The following PCDH9 variants were observed in gnomAD, a reference collection of about 807,000 sequenced individuals.
The protein encoded by PCDH9 is protocadherin-9.
Under a neutral mutation model 70.6 loss-of-function variants are expected in PCDH9, and 24 were observed. The ratio of observed to expected loss-of-function variants is 0.34; its 90% CI spans 0.25 to 0.48. The LOEUF (loss-of-function observed/expected upper bound fraction) is 0.48. Ranked by LOEUF, PCDH9 falls within the 20% of genes least tolerant of loss-of-function variation. The pLI is 0.99. For synonymous variants in PCDH9, 562 were observed against 558.5 expected, an observed-to-expected ratio of 1.01 and a Z score of -0.09; for missense variants, 1,281 against 1,503.6, an observed-to-expected ratio of 0.85 and a Z score of 2.45.
rs181816782 is a variant in PCDH9, at chr13:66,393,806, C to T, written c.3341-88778G>A. 1.9e-4 allele frequency among the ~76,000 whole-genome samples: 29 copies of T among 152,144 alleles called. 1 individual carries two copies. The highest frequency in any genetic ancestry group is 3.9e-4 in the East Asian group (2 of 5,166). ...AAATGAACAGTGCACTGTAAGCTGT[C>T]GATGACAGGACTGAAGTTCATTTAT... On this transcript the variant is annotated intron_variant, in intron 4 of 4. Coordinates refer to ENST00000377865, the MANE Select transcript of PCDH9 (RefSeq NM_203487.3).
chr13:66,865,758 T>C (rs914735157), intron 3 of PCDH9, among the ~76,000 whole-genome samples: 1 of 152,254 alleles, frequency 6.6e-6, no homozygotes, highest in Non-Finnish European at 1.5e-5. Context: ...TTTCATTTTA[T>C]ACTTCTTTCA....
At chr13:67,002,015 C>T (rs1446065507) in intron 2 of PCDH9, 2 of 152,108 alleles carry the variant, frequency 1.3e-5, no homozygotes, top group African/African-American at 2.4e-5. Flanking sequence ...GAAATGTGCT[C>T]CTTGTTTTCA....
chr13:66,339,396 C>T (rs1326326319), intron 4 of PCDH9, among the ~76,000 whole-genome samples: 1 of 151,790 alleles, frequency 6.6e-6, no homozygotes, highest in Non-Finnish European at 1.5e-5. Context: ...TGTGGGTGAA[C>T]CTAAAGGAAG....
At chr13:67,112,624 TTTC>T (rs1363299746) in intron 2 of PCDH9, among the ~76,000 whole-genome samples, 2 of 152,074 alleles carry the variant, frequency 1.3e-5, no homozygotes, top group African/African-American at 4.8e-5. Context: ...TCTTTCTTCC[TTTC>T]TTCCTTTCTC....
intron 2 of PCDH9, among the ~76,000 whole-genome samples, chr13:67,039,705 T>A (rs2085075323): frequency 6.6e-6 from 1 of 152,214 alleles, no homozygotes; most frequent in Non-Finnish European, 1.5e-5. Flanking sequence ...TTATAATGAA[T>A]CAGTAATAAG....
intron 2 of PCDH9, among the ~76,000 whole-genome samples, chr13:67,053,284 CT>C (rs1419471537): frequency 6.6e-6 from 1 of 152,124 alleles, no homozygotes; most frequent in East Asian, 1.9e-4. Flanking sequence ...TAGAACTTTA[CT>C]TTTGCTCTAT....
At chr13:66,330,515 T>A (rs960502101) in intron 4 of PCDH9, among the ~76,000 whole-genome samples, 3 of 152,194 alleles carry the variant, frequency 2.0e-5, no homozygotes, top group African/African-American at 7.2e-5. Context: ...CTGGACAGAT[T>A]TGTTGACAGT....
chr13:67,143,494 C>A (rs1429009468), intron 2 of PCDH9, among the ~76,000 whole-genome samples: 1 of 152,120 alleles, frequency 6.6e-6, no homozygotes, highest in Non-Finnish European at 1.5e-5. Flanking sequence ...ATTCATTTCT[C>A]CCCTTGTTCA....
At chr13:67,038,928 G>A (rs184718060) in intron 2 of PCDH9, among the ~76,000 whole-genome samples, 2 of 152,192 alleles carry the variant, frequency 1.3e-5, no homozygotes, top group Non-Finnish European at 2.9e-5. Flanking sequence ...AGTCTTGGTC[G>A]CCAAAAAGAC....
rs1442920169 is a variant in PCDH9 at position 67,032,535 on chromosome 13, AT to A, written c.3037-128931del. 2.0e-5 allele frequency among the ~76,000 whole-genome samples: 3 copies of A among 152,124 alleles called. No homozygotes were observed. The East Asian group carries it at 5.8e-4, about 29-fold the overall frequency. On this transcript the variant is annotated intron_variant, in intron 2 of 4. Coordinates refer to ENST00000377865, the MANE Select transcript of PCDH9 (RefSeq NM_203487.3). ...TTAAGAGCAGTGTAGAATTGTTTGC[AT>A]TTATGTAAAAATTCTTATGGATATT... is the stretch of plus-strand genomic sequence containing the variant.
intron 2 of PCDH9, among the ~76,000 whole-genome samples, chr13:67,050,237 T>G (rs1200571336): frequency 1.3e-5 from 2 of 152,224 alleles, no homozygotes; most frequent in Non-Finnish European, 2.9e-5. Context: ...GAAGGGTTCC[T>G]TAAATATGTT....
chr13:67,125,232 G>A (rs1375849959), intron 2 of PCDH9, among the ~76,000 whole-genome samples: 1 of 152,156 alleles, frequency 6.6e-6, no homozygotes, highest in Non-Finnish European at 1.5e-5. Flanking sequence ...GGACGTCAGA[G>A]GGATGTGAAT....
Position 66,633,765 on chromosome 13 carries a change from G to C in PCDH9, c.3139-2354C>G, listed in dbSNP as rs79195200. Among the ~76,000 whole-genome samples, 631 of 152,112 alleles carry C rather than the reference G, an allele frequency of 4.1e-3. 18 individuals carry two copies. The East Asian group carries it at 0.081, about 19-fold the overall frequency. On this transcript the variant is annotated intron_variant, in intron 3 of 4. Transcript: ENST00000377865. ...TTAAGCCATTAAGAAGTATATATTT[G>C]AAAGACAGAAGTAAAAAAGAAAAAA... is the stretch of plus-strand genomic sequence containing the variant.
chr13:66,552,323 G>C (rs991321503), intron 4 of PCDH9, among the ~76,000 whole-genome samples: 10 of 152,060 alleles, frequency 6.6e-5, no homozygotes, highest in Admixed American at 6.6e-4. Flanking sequence ...CACAGTCAGC[G>C]TTCCTTTGGG....
intron 4 of PCDH9, among the ~76,000 whole-genome samples, chr13:66,362,176 A>T (rs1042880651): frequency 2.6e-5 from 4 of 152,116 alleles, no homozygotes; most frequent in African/African-American, 7.2e-5. Flanking sequence ...GATTAATAAA[A>T]TTGTCAAATA....
intron 3 of PCDH9, among the ~76,000 whole-genome samples, chr13:66,721,576 G>A (rs910882127): frequency 6.6e-6 from 1 of 151,870 alleles, no homozygotes. Context: ...CAGAACTCAT[G>A]TTCATCCACA....
chr13:66,304,743 C>G lies in PCDH9; in HGVS notation c.3626G>C (p.Ser1209Thr), dbSNP rs747952503. The G allele has an allele frequency of 2.5e-6, 4 of 1,613,052 alleles. No homozygotes were observed. Among genetic ancestry groups the G allele is most frequent in the Non-Finnish European group, 2.5e-6 (3 of 1,179,428 alleles). ...GSNEGHFNNGSHMTDIPLANL... is the reference protein window; with the variant it reads ...GSNEGHFNNGTHMTDIPLANL... ...TGCCAGAGGAATGTCTGTCATGTGGCTGCCATTGTTGAAATGGCCTTCATT... is the reference window on the plus strand; with the variant it reads ...TGCCAGAGGAATGTCTGTCATGTGGGTGCCATTGTTGAAATGGCCTTCATT... The change falls in exon 5 of 5, where the codon AGC (serine) becomes ACC (threonine). Residue 1209 changes from serine to threonine, a missense_variant. Ser to Thr is a moderately conservative substitution (Grantham distance 58, BLOSUM62 1). Transcript: ENST00000377865.
chr13:66,843,360 AC>A (rs2139433903), intron 3 of PCDH9, among the ~76,000 whole-genome samples: 1 of 151,414 alleles, frequency 6.6e-6, no homozygotes, highest in Non-Finnish European at 1.5e-5. Flanking sequence ...ATACATACAC[AC>A]ACACACACAC....
intron 3 of PCDH9, among the ~76,000 whole-genome samples, chr13:66,896,033 A>G (rs535462233): frequency 3.9e-5 from 6 of 152,324 alleles, no homozygotes; most frequent in African/African-American, 1.4e-4. Flanking sequence ...GGTGCTGTCC[A>G]TCAAGCCTGC....
Sources: allele counts gnomAD v4.1 joint callset (sites outside exome capture counted in the v4.1 genomes callset), GRCh38; gene constraint gnomAD v4.1.1; transcripts MANE v1.5; gene names NCBI Gene and HGNC (gene_info 2026-07-23, HGNC 2026-07-21).